Variants in SPON1 observed in about 807,000 individuals in gnomAD.
SPON1 encodes the protein spondin 1.
SPON1 carries 52 observed loss-of-function variants against 111.7 expected under a neutral mutation model. That is an observed-to-expected ratio of 0.47 (90% CI 0.37 to 0.59). SPON1 has a LOEUF of 0.59. Among genes scored for constraint, SPON1 ranks in the 20% least tolerant of loss-of-function variants. SPON1 has a pLI of 0.00. For synonymous variants in SPON1, 410 were observed against 395.8 expected, an observed-to-expected ratio of 1.04 and a Z score of -0.43; for missense variants, 957 against 1,068.5, an observed-to-expected ratio of 0.90 and a Z score of 1.46.
chr11:14,244,785 C>T (rs900151389), intron 7 of SPON1, among the ~76,000 whole-genome samples: 1 of 152,198 alleles, frequency 6.6e-6, no homozygotes, highest in Non-Finnish European at 1.5e-5. Context: ...GTTGTGTCCT[C>T]TCCTTCTTCA....
At chr11:14,159,283 C>G (rs1234770649) in intron 6 of SPON1, among the ~76,000 whole-genome samples, 1 of 151,990 alleles carries the variant, frequency 6.6e-6, no homozygotes, top group Non-Finnish European at 1.5e-5. Flanking sequence ...GGGAAAGGTG[C>G]TCAACATCAT....
At chr11:14,208,467 T>G (rs1447027048) in intron 6 of SPON1, among the ~76,000 whole-genome samples, 3 of 152,230 alleles carry the variant, frequency 2.0e-5, no homozygotes, top group African/African-American at 7.2e-5. Context: ...TCTCATATTT[T>G]TATGATTAAA....
chr11:14,160,973 T>TTATATATTTATATATA (rs1847939203), intron 6 of SPON1, among the ~76,000 whole-genome samples: 2 of 27,372 alleles, frequency 7.3e-5, no homozygotes, highest in African/African-American at 1.3e-4. Flanking sequence ...TTATATATAT[T>TTATATATTTATATATA]TTTATATATT....
chr11:14,144,004 A>G (rs1847689172), intron 6 of SPON1, among the ~76,000 whole-genome samples: 1 of 152,188 alleles, frequency 6.6e-6, no homozygotes, highest in East Asian at 1.9e-4. Context: ...GAGAACCTGT[A>G]CTTCTTAAGT....
chr11:13,966,247 G>A (rs1273293508), intron 1 of SPON1, among the ~76,000 whole-genome samples: 1 of 151,886 alleles, frequency 6.6e-6, no homozygotes, highest in African/African-American at 2.4e-5. Flanking sequence ...AGAAAGCTCT[G>A]AAAGGCCTGC....
At chr11:14,075,175 C>A (rs1386767651) in intron 3 of SPON1, among the ~76,000 whole-genome samples, 170 bp from the exon 4 acceptor site, 2 of 152,108 alleles carry the variant, frequency 1.3e-5, no homozygotes, top group African/African-American at 2.4e-5. Context: ...GTTCTCACCA[C>A]AACCCCATAA....
intron 6 of SPON1, among the ~76,000 whole-genome samples, chr11:14,236,226 C>A (rs1246006366): frequency 6.6e-6 from 1 of 152,016 alleles, no homozygotes; most frequent in African/African-American, 2.4e-5. Flanking sequence ...TGGCTTGGAT[C>A]AGGATGGAGG....
chr11:13,972,421 T>G (rs1848070437), intron 1 of SPON1, among the ~76,000 whole-genome samples: 1 of 152,252 alleles, frequency 6.6e-6, no homozygotes, highest in South Asian at 2.1e-4. Context: ...GATCCATCCC[T>G]GTAGCTGTCA....
intron 6 of SPON1, among the ~76,000 whole-genome samples, chr11:14,193,698 G>T (rs765243336): frequency 3.3e-5 from 5 of 152,104 alleles, no homozygotes; most frequent in African/African-American, 1.2e-4. Context: ...TGCCTTCAAA[G>T]CTCGGGTATT....
At chr11:14,214,627 G>A (rs1554937013) in intron 6 of SPON1, among the ~76,000 whole-genome samples, 1 of 152,192 alleles carries the variant, frequency 6.6e-6, no homozygotes, top group Non-Finnish European at 1.5e-5. Context: ...GTGAGATGAT[G>A]AGCCATGGAA....
At chr11:14,052,956 T>G (rs552425299) in intron 3 of SPON1, among the ~76,000 whole-genome samples, 1 of 152,326 alleles carries the variant, frequency 6.6e-6, no homozygotes, top group Non-Finnish European at 1.5e-5. Flanking sequence ...TGGGATTGAC[T>G]GCAACTTTGT....
intron 6 of SPON1, among the ~76,000 whole-genome samples, chr11:14,190,963 A>G (rs3934563): frequency 0.4 from 61,387 of 151,728 alleles, 12,628 homozygotes; most frequent in East Asian, 0.55. Context: ...TTGTTTAAAT[A>G]ATGCTGAAAA....
intron 5 of SPON1, among the ~76,000 whole-genome samples, chr11:14,092,006 G>A (rs1318034190): frequency 2.0e-5 from 3 of 152,188 alleles, no homozygotes; most frequent in Non-Finnish European, 4.4e-5. Flanking sequence ...TCTGTGGGCT[G>A]TACCCACTGC....
chr11:14,218,990 C>T (rs535127973), intron 6 of SPON1, among the ~76,000 whole-genome samples: 7 of 152,134 alleles, frequency 4.6e-5, no homozygotes, highest in Non-Finnish European at 1.0e-4. Context: ...GAATGGAGCA[C>T]GGACTTAGCT....
At chr11:14,166,151 T>G (rs1848027229) in intron 6 of SPON1, among the ~76,000 whole-genome samples, 1 of 152,214 alleles carries the variant, frequency 6.6e-6, no homozygotes, top group Admixed American at 6.5e-5. Flanking sequence ...CAACTTTGAT[T>G]CTTTAAAAGA....
At chr11:14,117,184 T>G (rs1849273112) in intron 5 of SPON1, among the ~76,000 whole-genome samples, 2 of 152,208 alleles carry the variant, frequency 1.3e-5, no homozygotes, top group African/African-American at 4.8e-5. Flanking sequence ...CTCTTTTTCC[T>G]TCTTGCCTTA....
chr11:14,098,699 G>A (rs931544971), intron 5 of SPON1, among the ~76,000 whole-genome samples: 3 of 151,882 alleles, frequency 2.0e-5, no homozygotes, highest in African/African-American at 7.3e-5. Context: ...AGAATAGGAG[G>A]GGAAGAGAGA....
intron 1 of SPON1, among the ~76,000 whole-genome samples, chr11:13,975,116 T>G (rs1848092109): frequency 6.6e-6 from 1 of 152,172 alleles, no homozygotes; most frequent in Non-Finnish European, 1.5e-5. Flanking sequence ...AACACATTGT[T>G]CATACCTCCA....
chr11:13,992,618 A>G (rs1050989430), intron 2 of SPON1, among the ~76,000 whole-genome samples: 1 of 151,602 alleles, frequency 6.6e-6, no homozygotes, highest in South Asian at 2.1e-4. Flanking sequence ...GAAGAAAAGA[A>G]CTCCTGCAGC....
Sources: gnomAD v4.1 joint callset for allele counts (sites outside exome capture counted in the v4.1 genomes callset) on GRCh38, gnomAD v4.1.1 for gene constraint, MANE v1.5 for transcripts, NCBI Gene and HGNC (gene_info 2026-07-23, HGNC 2026-07-21) for gene names.